NAA11: variants seen among roughly 807,000 people sequenced by gnomAD.
NAA11 encodes N-alpha-acetyltransferase 11.
In NAA11, 15 loss-of-function variants were observed where a neutral mutation model predicts 16.1. The observed-to-expected ratio is 0.93, with a 90% CI of 0.62 to 1.44. The LOEUF (loss-of-function observed/expected upper bound fraction) is 1.44, where lower values mean the gene tolerates loss of function less well. Among genes scored for constraint, NAA11 ranks in the 40% most tolerant of loss-of-function variants. NAA11 has a pLI of 0.00. For missense variants in NAA11, 298 were observed against 291.3 expected (o/e 1.02, Z -0.17); for synonymous variants, 122 against 112.4 (o/e 1.09, Z -0.54).
chr4:79,258,576 G>A (rs1722176825), intron 2 of NAA11, among the ~76,000 whole-genome samples: 1 of 152,224 alleles, frequency 6.6e-6, no homozygotes, highest in Non-Finnish European at 1.5e-5. Context: ...GGAAGCTGAT[G>A]GAGGAACTGA....
At chr4:79,267,635 G>A (rs1014227110) in intron 2 of NAA11, among the ~76,000 whole-genome samples, 2 of 152,112 alleles carry the variant, frequency 1.3e-5, no homozygotes, top group Non-Finnish European at 2.9e-5. Flanking sequence ...TGACAGAAAA[G>A]CTTCAGTGAG....
chr4:79,271,649 C>A (rs867549994), intron 2 of NAA11, among the ~76,000 whole-genome samples: 1 of 151,934 alleles, frequency 6.6e-6, no homozygotes, highest in Admixed American at 6.6e-5. Flanking sequence ...GAAACTAACT[C>A]GCTGTTTCCT....
chr4:79,247,435 A>G (rs377664035), intron 2 of NAA11, among the ~76,000 whole-genome samples: 30 of 152,186 alleles, frequency 2.0e-4, no homozygotes, highest in African/African-American at 7.0e-4. Flanking sequence ...ATTTGCCTGT[A>G]TTCTTCCAAA....
chr4:79,286,054 G>T (rs1487059667), intron 2 of NAA11, among the ~76,000 whole-genome samples: 1 of 151,882 alleles, frequency 6.6e-6, no homozygotes, highest in Non-Finnish European at 1.5e-5. Flanking sequence ...ATTAACCTTT[G>T]TCCTCTTTCT....
chr4:79,248,243 G>A (rs146705469), intron 2 of NAA11, among the ~76,000 whole-genome samples: 13 of 152,086 alleles, frequency 8.5e-5, no homozygotes, highest in African/African-American at 2.2e-4. Flanking sequence ...CCAGCAGAAC[G>A]GCCTCCCCAC....
At chr4:79,311,030 T>C (rs1006939218) in intron 1 of NAA11, among the ~76,000 whole-genome samples, 8 of 104,900 alleles carry the variant, frequency 7.6e-5, no homozygotes, top group Non-Finnish European at 1.2e-4. Context: ...ACAGTGTGTA[T>C]GGTGTCCTGG....
the NAA11 span, among the ~76,000 whole-genome samples, chr4:79,175,099 A>C: frequency 2.6e-5 from 4 of 152,054 alleles, no homozygotes; most frequent in Non-Finnish European, 4.4e-5. Context: ...TCTGAATGCA[A>C]ACTGTGTCTC....
At chr4:79,292,114 C>T (rs1723100487) in intron 2 of NAA11, among the ~76,000 whole-genome samples, 1 of 152,172 alleles carries the variant, frequency 6.6e-6, no homozygotes, top group African/African-American at 2.4e-5. Context: ...ACATCAGAAA[C>T]AGTTGATGTT....
intron 1 of NAA11, among the ~76,000 whole-genome samples, chr4:79,320,004 C>T (rs1724045397): frequency 6.6e-6 from 1 of 152,214 alleles, no homozygotes; most frequent in Non-Finnish European, 1.5e-5. Context: ...AGTAACCTTA[C>T]TTAACTCAAT....
intron 1 of NAA11, among the ~76,000 whole-genome samples, chr4:79,309,711 T>C (rs1723704024): frequency 7.8e-6 from 1 of 127,988 alleles, no homozygotes; most frequent in Non-Finnish European, 1.7e-5. Context: ...GTTTTTTTTT[T>C]TTCTTTTTTT....
At chr4:79,290,621 G>T (rs576955430) in intron 2 of NAA11, among the ~76,000 whole-genome samples, 6 of 152,226 alleles carry the variant, frequency 3.9e-5, no homozygotes, top group African/African-American at 1.4e-4. Context: ...ACTCTCCCAG[G>T]CATTGCCCAG....
chr4:79,192,296 T>C, the NAA11 span, among the ~76,000 whole-genome samples: 3 of 151,946 alleles, frequency 2.0e-5, no homozygotes, highest in Non-Finnish European at 4.4e-5. Context: ...GTTACATATG[T>C]ATACATGTGC....
chr4:79,201,904 GTTTTA>G, the NAA11 span, among the ~76,000 whole-genome samples: 1 of 151,496 alleles, frequency 6.6e-6, no homozygotes, highest in Non-Finnish European at 1.5e-5. Context: ...CTTTTTTTAA[GTTTTA>G]TTTTATTTAT....
intron 2 of NAA11, among the ~76,000 whole-genome samples, chr4:79,241,797 AT>A (rs774210418): frequency 3.3e-5 from 5 of 152,206 alleles, no homozygotes; most frequent in Non-Finnish European, 7.3e-5. Context: ...ATTTAGGGTT[AT>A]TTTAATGTGG....
At chr4:79,266,160 T>C (rs940956784) in intron 2 of NAA11, among the ~76,000 whole-genome samples, 5 of 152,186 alleles carry the variant, frequency 3.3e-5, no homozygotes, top group African/African-American at 9.7e-5. Context: ...TAACAGAATG[T>C]GGGACTTGCA....
intron 2 of NAA11, among the ~76,000 whole-genome samples, chr4:79,238,339 C>T (rs930399117): frequency 6.6e-6 from 1 of 152,112 alleles, no homozygotes; most frequent in Non-Finnish European, 1.5e-5. Flanking sequence ...CCTTTTCTGT[C>T]CCCACTGAAC....
intron 2 of NAA11, among the ~76,000 whole-genome samples, chr4:79,250,026 A>T (rs1303131698): frequency 6.6e-6 from 1 of 152,238 alleles, no homozygotes; most frequent in African/African-American, 2.4e-5. Flanking sequence ...ACCCAGGAGC[A>T]GCACAGAGCA....
chr4:79,276,170 T>C (rs1722641440), intron 2 of NAA11, among the ~76,000 whole-genome samples: 1 of 152,118 alleles, frequency 6.6e-6, no homozygotes, highest in Admixed American at 6.5e-5. Context: ...AGAATGACTT[T>C]TGAATCTTCT....
At chr4:79,223,464 G>A (rs1314105805), downstream of NAA11, among the ~76,000 whole-genome samples, 1 of 131,630 alleles carries the variant, frequency 7.6e-6, no homozygotes, top group African/African-American at 2.9e-5. Context: ...ATGGACACAG[G>A]AAGGGGAATA....
Sources: allele counts gnomAD v4.1 joint callset (sites outside exome capture counted in the v4.1 genomes callset), GRCh38; gene constraint gnomAD v4.1.1; transcripts MANE v1.5; gene names NCBI Gene and HGNC (gene_info 2026-07-23, HGNC 2026-07-21).